KAZN: variants seen among roughly 807,000 people sequenced by gnomAD.
The protein encoded by KAZN is kazrin, periplakin interacting protein, also known as kazrin.
A neutral mutation model predicts 87.4 loss-of-function variants in KAZN; 40 were observed. The ratio of observed to expected loss-of-function variants is 0.46; its 90% confidence interval spans 0.36 to 0.60. KAZN has a LOEUF of 0.60. KAZN is among the 20% of genes least tolerant of loss of function. KAZN has a pLI of 0.00. For missense variants in KAZN, 898 were observed against 1,073.9 expected, an observed-to-expected ratio of 0.84 and a Z score of 2.29; for synonymous variants, 466 against 458.3, an observed-to-expected ratio of 1.02 and a Z score of -0.22.
At chr1:14,526,994 T>G (rs886635973) in intron 2 of KAZN, among the ~76,000 whole-genome samples, 1 of 152,248 alleles carries the variant, frequency 6.6e-6, no homozygotes, top group Non-Finnish European at 1.5e-5. Flanking sequence ...CTCTTATAGG[T>G]AGTTAATTAA....
chr1:14,750,042 CAG>C (rs1300052623), intron 1 of KAZN, among the ~76,000 whole-genome samples: 4 of 152,100 alleles, frequency 2.6e-5, no homozygotes, highest in Non-Finnish European at 5.9e-5. Flanking sequence ...ATGCAAAAAC[CAG>C]TGACATCTGA....
intron 1 of KAZN, among the ~76,000 whole-genome samples, chr1:14,015,481 TTTTTTTTTTTTTTTTTG>T (rs1640522491): frequency 8.1e-6 from 1 of 122,884 alleles, no homozygotes; most frequent in South Asian, 2.7e-4. Context: ...TTTTTTTTTT[TTTTTTTTTTTTTTTTTG>T]AGATGGAGTT....
intron 1 of KAZN, among the ~76,000 whole-genome samples, chr1:14,868,335 C>T (rs1572689651): frequency 6.6e-6 from 1 of 152,292 alleles, no homozygotes; most frequent in Non-Finnish European, 1.5e-5. Context: ...ATTGCTATTG[C>T]ATCTATTGGG....
At chr1:15,071,926 G>A (rs1383009080) in intron 8 of KAZN, among the ~76,000 whole-genome samples, 1 of 152,078 alleles carries the variant, frequency 6.6e-6, no homozygotes, top group Non-Finnish European at 1.5e-5. Flanking sequence ...GCTGTTAATC[G>A]CACCAATACA....
At chr1:14,214,656 A>G (rs1646922161) in intron 2 of KAZN, among the ~76,000 whole-genome samples, 1 of 152,248 alleles carries the variant, frequency 6.6e-6, no homozygotes, top group South Asian at 2.1e-4. Flanking sequence ...ATATTTTTCA[A>G]GAACCAACAA....
At chr1:14,069,626 A>G (rs1643161810) in intron 1 of KAZN, among the ~76,000 whole-genome samples, 1 of 152,218 alleles carries the variant, frequency 6.6e-6, no homozygotes, top group Admixed American at 6.5e-5. Flanking sequence ...ACCAAGGGAA[A>G]TGTTGAAAGC....
In KAZN at chr1:14,511,134, A is replaced by G. The variant is rs1323542271; in HGVS notation, c.250-87849A>G. The stretch of plus-strand genomic sequence containing the variant: ...GGGTGGGAGGGTGGTCCCAGTTTCT[A>G]TGTTGCATGTGATATTCATTCATTT... On this transcript the variant is annotated intron_variant, in intron 2 of 16. Coordinates refer to the KAZN transcript ENST00000636203. 4.6e-5 allele frequency among the ~76,000 whole-genome samples: 7 copies of G among 152,000 alleles called. No homozygotes were observed. The East Asian group carries it at 7.7e-4, about 17-fold the overall frequency.
chr1:15,113,316 A>G (rs1422135380), intron 14 of KAZN: 4 of 152,118 alleles, frequency 2.6e-5, no homozygotes, highest in East Asian at 1.9e-4. Flanking sequence ...TATTCTTTCT[A>G]TGTAAAAGCA....
chr1:14,584,710 T>C (rs557998869), intron 2 of KAZN, among the ~76,000 whole-genome samples: 1 of 151,976 alleles, frequency 6.6e-6, no homozygotes, highest in African/African-American at 2.4e-5. Flanking sequence ...AATGGCACAA[T>C]CTTGGCTCAC....
chr1:14,463,930 A>T (rs1473908626), intron 2 of KAZN, among the ~76,000 whole-genome samples: 1 of 152,210 alleles, frequency 6.6e-6, no homozygotes, highest in Non-Finnish European at 1.5e-5. Flanking sequence ...AGTTCTGTTA[A>T]TTCTGGGAAG....
chr1:14,918,341 T>A (rs1658044727), intron 1 of KAZN, among the ~76,000 whole-genome samples: 1 of 152,024 alleles, frequency 6.6e-6, no homozygotes, highest in South Asian at 2.1e-4. Context: ...TGTGAGGAGA[T>A]CTCACAGCCA....
intron 1 of KAZN, among the ~76,000 whole-genome samples, chr1:14,125,211 C>T (rs1001252057): frequency 2.0e-5 from 3 of 152,134 alleles, no homozygotes; most frequent in Non-Finnish European, 2.9e-5. Context: ...GGCCTCTACC[C>T]ACTGGATGTC....
chr1:15,050,299 C>T (rs533703485), intron 4 of KAZN, among the ~76,000 whole-genome samples: 76 of 152,258 alleles, frequency 5.0e-4, no homozygotes, highest in Non-Finnish European at 9.9e-4. Context: ...ACTCGGTCAG[C>T]GTTCACAGCT....
chr1:14,535,571 C>T (rs556671228), intron 2 of KAZN, among the ~76,000 whole-genome samples: 8 of 152,056 alleles, frequency 5.3e-5, no homozygotes, highest in African/African-American at 1.7e-4. Context: ...GAGGCTGAGG[C>T]AGGAGAATCG....
intron 1 of KAZN, among the ~76,000 whole-genome samples, chr1:14,784,649 C>G (rs1257328857): frequency 6.6e-6 from 1 of 152,156 alleles, no homozygotes; most frequent in African/African-American, 2.4e-5. Flanking sequence ...GTCTCTGGTA[C>G]TTGGGAGGCT....
intron 1 of KAZN, among the ~76,000 whole-genome samples, chr1:14,175,683 A>C (rs1646058055): frequency 6.6e-6 from 1 of 152,188 alleles, no homozygotes; most frequent in Non-Finnish European, 1.5e-5. Context: ...AGTGAAAAGC[A>C]AGGACAGTAA....
intron 2 of KAZN, among the ~76,000 whole-genome samples, chr1:14,353,703 C>A (rs1036802283): frequency 6.6e-6 from 1 of 152,088 alleles, no homozygotes; most frequent in Non-Finnish European, 1.5e-5. Context: ...TTCAAAACTA[C>A]AAAATATTTG....
At chr1:14,533,086 A>G (rs1300203814) in intron 2 of KAZN, among the ~76,000 whole-genome samples, 1 of 152,164 alleles carries the variant, frequency 6.6e-6, no homozygotes, top group Non-Finnish European at 1.5e-5. Flanking sequence ...AGAAAGCTTA[A>G]TTCCTCTCCT....
At chr1:14,545,993 T>G (rs11579636) in intron 2 of KAZN, among the ~76,000 whole-genome samples, 1 of 152,008 alleles carries the variant, frequency 6.6e-6, no homozygotes, top group South Asian at 2.1e-4. Context: ...CCAGAAATAT[T>G]TGGTGAATAA....
Sources: gnomAD v4.1 joint callset for allele counts (sites outside exome capture counted in the v4.1 genomes callset) on GRCh38, gnomAD v4.1.1 for gene constraint, MANE v1.5 for transcripts, NCBI Gene and HGNC (gene_info 2026-07-23, HGNC 2026-07-21) for gene names.